Variants in SPATA1 observed in about 807,000 individuals in gnomAD.
SPATA1 encodes spermatogenesis-associated protein 1.
In SPATA1, 57 loss-of-function variants were observed where a neutral mutation model predicts 59.6. The ratio of observed to expected loss-of-function variants is 0.96; its 90% confidence interval spans 0.77 to 1.19. The LOEUF (loss-of-function observed/expected upper bound fraction) is 1.19, where lower values mean the gene tolerates loss of function less well. Among genes scored for constraint, SPATA1 ranks in the 50% most tolerant of loss-of-function variants. SPATA1 has a pLI of 0.00. For missense variants in SPATA1, 448 were observed against 480.7 expected (o/e 0.93, Z 0.64); for synonymous variants, 147 against 163.9 (o/e 0.90, Z 0.79).
At chr1:84,551,433 G>T (rs1350253319) in intron 12 of SPATA1, 1 of 390,306 alleles carries the variant, frequency 2.6e-6, no homozygotes, top group Non-Finnish European at 3.5e-6. Flanking sequence ...CTTATGTGAT[G>T]ATAGAAATGT....
At chr1:84,532,098 T>C (rs1683494688) in intron 6 of SPATA1, among the ~76,000 whole-genome samples, 1 of 152,272 alleles carries the variant, frequency 6.6e-6, no homozygotes, top group Non-Finnish European at 1.5e-5. Context: ...TGAAAATGTA[T>C]GTGAAATAAA....
At chr1:84,531,243 G>A (rs1219938378) in intron 6 of SPATA1, among the ~76,000 whole-genome samples, 1 of 152,048 alleles carries the variant, frequency 6.6e-6, no homozygotes, top group African/African-American at 2.4e-5. Context: ...GCTCACTGCA[G>A]TGTCTGCCTC....
chr1:84,563,994 A>C (rs1684643887), intron 4 of SPATA1: 19 of 451,878 alleles, frequency 4.2e-5, no homozygotes, highest in Non-Finnish European at 5.5e-5. Context: ...AGAACCATAA[A>C]TTCTATATCT....
intron 2 of SPATA1, among the ~76,000 whole-genome samples, chr1:84,519,232 T>C (rs1263243426): frequency 1.3e-5 from 2 of 152,098 alleles, no homozygotes; most frequent in South Asian, 4.1e-4. Context: ...TGCCATACCT[T>C]GTAATGTATT....
chr1:84,513,555 T>G (rs891099567), intron 1 of SPATA1, among the ~76,000 whole-genome samples: 2 of 152,150 alleles, frequency 1.3e-5, no homozygotes, highest in East Asian at 1.9e-4. Context: ...GAGGCACATA[T>G]CCCTTGTAAA....
chr1:84,563,686 A>T (rs778867094), intron 4 of SPATA1: 1 of 1,141,190 alleles, frequency 8.8e-7, no homozygotes, highest in Non-Finnish European at 1.2e-6. Flanking sequence ...GAGAGACTCT[A>T]AAAAATATAA....
At chr1:84,554,928 T>A, downstream of SPATA1, 1 of 1,233,608 alleles carries the variant, frequency 8.1e-7, no homozygotes, top group Non-Finnish European at 1.2e-6. Context: ...AGCAACATAA[T>A]AAAAATGCAA....
intron 9 of SPATA1, among the ~76,000 whole-genome samples, chr1:84,545,397 T>C (rs1041215424): frequency 3.3e-5 from 5 of 151,946 alleles, no homozygotes; most frequent in African/African-American, 9.7e-5. Flanking sequence ...TACACATATA[T>C]GAAATGCAGA....
intron 12 of SPATA1, chr1:84,550,787 C>A (rs1684247350): frequency 1.9e-6 from 2 of 1,040,652 alleles, no homozygotes; most frequent in South Asian, 9.0e-5. Context: ...GGAAAAGGAA[C>A]CTGTGAGTCA....
At chr1:84,545,830 T>C (rs1684067990) in intron 10 of SPATA1, 71 bp downstream of exon 10, 2 of 1,100,714 alleles carry the variant, frequency 1.8e-6, no homozygotes, top group African/African-American at 3.3e-5. Context: ...CCTTTTAGAA[T>C]AAATAATAAA....
chr1:84,541,810 T>A (rs947443526), intron 8 of SPATA1, among the ~76,000 whole-genome samples: 2 of 152,186 alleles, frequency 1.3e-5, no homozygotes, highest in African/African-American at 4.8e-5. Context: ...GCGTTGGATT[T>A]TTCCATTATC....
At chr1:84,535,183 T>C (rs1469399015) in intron 8 of SPATA1, among the ~76,000 whole-genome samples, 2 of 152,264 alleles carry the variant, frequency 1.3e-5, no homozygotes, top group African/African-American at 2.4e-5. Flanking sequence ...TAGCTTCCCT[T>C]TCTGCTCAAT....
exon 13 of SPATA1, chr1:84,553,078 A>C: frequency 6.5e-7 from 1 of 1,531,302 alleles, no homozygotes; most frequent in Non-Finnish European, 8.8e-7. Flanking sequence ...TTGAAAACTG[A>C]ACTGGCACAG....
intron 6 of SPATA1, among the ~76,000 whole-genome samples, chr1:84,529,574 G>A (rs1032728418): frequency 1.6e-5 from 2 of 125,712 alleles, no homozygotes; most frequent in Non-Finnish European, 3.4e-5. Context: ...CAGGTAATAT[G>A]CCTTTTTTTT....
At chr1:84,546,986 G>A (rs1684108552) in intron 10 of SPATA1, among the ~76,000 whole-genome samples, 1 of 151,304 alleles carries the variant, frequency 6.6e-6, no homozygotes, top group African/African-American at 2.4e-5. Context: ...GTTGTGTTGA[G>A]GATTATAAGG....
chr1:84,537,425 A>T (rs1032427887), intron 8 of SPATA1, among the ~76,000 whole-genome samples: 3 of 152,182 alleles, frequency 2.0e-5, no homozygotes, highest in African/African-American at 7.2e-5. Context: ...AAAACCAAAA[A>T]TTATTTTTAG....
chr1:84,526,867 CAAA>C (rs761804155), intron 6 of SPATA1, among the ~76,000 whole-genome samples: 18 of 60,584 alleles, frequency 3.0e-4, no homozygotes, highest in African/African-American at 8.2e-4. Context: ...GACTTTGTCT[CAAA>C]AAAAAAAAAA....
intron 1 of SPATA1, among the ~76,000 whole-genome samples, chr1:84,513,636 G>A (rs528680162): frequency 1.3e-5 from 2 of 152,298 alleles, no homozygotes; most frequent in South Asian, 4.1e-4. Context: ...CCAGCCCCAA[G>A]AATTCTTGAT....
intron 8 of SPATA1, among the ~76,000 whole-genome samples, chr1:84,534,321 C>G (rs2101975826): frequency 6.6e-6 from 1 of 152,088 alleles, no homozygotes; most frequent in East Asian, 1.9e-4. Flanking sequence ...TTAGGACAGT[C>G]TTAAGAATGA....
Sources: gnomAD v4.1 joint callset for allele counts (sites outside exome capture counted in the v4.1 genomes callset) on GRCh38, gnomAD v4.1.1 for gene constraint, MANE v1.5 for transcripts, NCBI Gene and HGNC (gene_info 2026-07-23, HGNC 2026-07-21) for gene names.